The following NLRC4 variants were observed in gnomAD, a reference collection of about 807,000 sequenced individuals.
NLRC4 encodes the protein NLR family CARD domain containing 4, also known as NLR family CARD domain-containing protein 4.
Under a neutral mutation model 79.9 loss-of-function variants are expected in NLRC4, and 63 were observed. The ratio of observed to expected loss-of-function variants is 0.79; its 90% CI spans 0.64 to 0.97. The LOEUF is 0.97. Among genes scored for constraint, NLRC4 ranks in the 50% least tolerant of loss-of-function variants. NLRC4 has a pLI of 0.00. For missense variants in NLRC4, 1,074 were observed against 1,215.2 expected (o/e 0.88, Z 1.73); for synonymous variants, 461 against 456.5 (o/e 1.01, Z -0.12).
intron 8 of NLRC4, among the ~76,000 whole-genome samples, chr2:32,229,123 G>A (rs533309856): frequency 6.6e-6 from 1 of 152,156 alleles, no homozygotes; most frequent in East Asian, 1.9e-4. Context: ...ATTTAACAAA[G>A]GGTTTTGTTA....
intron 4 of NLRC4, among the ~76,000 whole-genome samples, chr2:32,247,262 GAGA>G (rs1341170055): frequency 1.3e-5 from 2 of 152,068 alleles, no homozygotes; most frequent in African/African-American, 2.4e-5. Flanking sequence ...GTGCTCGCAG[GAGA>G]AGGATTTGCT....
Position 32,235,418 on chromosome 2 carries a change from G to A in NLRC4, c.2765C>T (p.Thr922Ile), listed in dbSNP as rs755498806. The A allele has an allele frequency of 6.2e-7, 1 of 1,613,832 alleles. No individual in the cohort carries two copies. The highest frequency in any genetic ancestry group is 1.1e-5 in the South Asian group (1 of 91,072). Residue 922 changes from threonine (T) to isoleucine (I), a missense_variant, in exon 8 of 9, where the codon ACA becomes ATA. Coordinates refer to ENST00000402280, the MANE Select transcript of NLRC4 (RefSeq NM_001199138.2). ...LGLKNWRLTD[T>I]EIRILGAFFG... Reference sequence around the variant, plus strand: ...GTACCTACCTAAAATTCTAATCTCTGTATCTGTGAGTCTCCAGTTTTTCAA... The same window carrying A: ...GTACCTACCTAAAATTCTAATCTCTATATCTGTGAGTCTCCAGTTTTTCAA...
chr2:32,238,866 T>C (rs1558450108), intron 5 of NLRC4, among the ~76,000 whole-genome samples: 1 of 152,220 alleles, frequency 6.6e-6, no homozygotes. Context: ...GGAAACATTC[T>C]AAAATATCCC....
At chr2:32,237,799 A>G (rs1302643244) in intron 6 of NLRC4, among the ~76,000 whole-genome samples, 1 of 152,170 alleles carries the variant, frequency 6.6e-6, no homozygotes, top group Non-Finnish European at 1.5e-5. Context: ...TCAATCATTT[A>G]TCCATTCATT....
chr2:32,248,097 T>G (rs2148940665), intron 4 of NLRC4, among the ~76,000 whole-genome samples: 1 of 152,202 alleles, frequency 6.6e-6, no homozygotes, highest in South Asian at 2.1e-4. Context: ...CACCACGAAA[T>G]ATATCGATAT....
At position 32,224,521 on chromosome 2, in the gene NLRC4, A is replaced by G; in HGVS notation, c.3027T>C (p.Asp1009=). The G allele has an allele frequency of 6.2e-7, 1 of 1,613,512 alleles. No homozygotes were observed. The highest frequency in any genetic ancestry group is 1.1e-5 in the South Asian group (1 of 90,990). ...EARLVGWQFD[D]DDLSVITGAF... ...CACCTGTAATAACACTGAGATCATC[A>G]TCATCAAATTGCCACCCAACAAGCC... Residue 1009 remains aspartate (D), a synonymous_variant, in exon 9 of 9, where the codon GAT becomes GAC. Coordinates refer to ENST00000402280, the MANE Select transcript of NLRC4 (RefSeq NM_001199138.2).
At chr2:32,255,791 G>T (rs1262724267) in intron 2 of NLRC4, among the ~76,000 whole-genome samples, 2 of 152,098 alleles carry the variant, frequency 1.3e-5, no homozygotes, top group African/African-American at 4.8e-5. Context: ...GAGGCGGGTG[G>T]ATCACGAGGT....
Position 32,251,083 on chromosome 2 carries a change from T to C in NLRC4, c.781A>G (p.Ile261Val). ...NEFKPQNCPE[I>V]EALIKENHRF... is the part of the protein sequence containing the mutation. ...TGGTTTTCCTTTATCAGGGCTTCGA[T>C]TTCTGGGCAGTTCTGGGGCTTGAAT... Residue 261 changes from isoleucine to valine, a missense_variant, in exon 4 of 9, where the codon ATC (isoleucine) becomes GTC (valine). By Grantham distance (29) the Ile-to-Val change is conservative. Transcript: ENST00000402280. The C allele has an allele frequency of 3.7e-6, 6 of 1,614,154 alleles. No individual in the cohort carries two copies. Among genetic ancestry groups the C allele is most frequent in the Non-Finnish European group, 5.1e-6 (6 of 1,180,020 alleles).
At chr2:32,233,928 T>C (rs1438672511) in intron 8 of NLRC4, among the ~76,000 whole-genome samples, 1 of 152,198 alleles carries the variant, frequency 6.6e-6, no homozygotes, top group African/African-American at 2.4e-5. Context: ...TCTCTTTAGC[T>C]CTAACAATAT....
At chr2:32,255,931 T>C (rs1350008570) in intron 2 of NLRC4, among the ~76,000 whole-genome samples, 2 of 151,900 alleles carry the variant, frequency 1.3e-5, no homozygotes, top group Non-Finnish European at 2.9e-5. Flanking sequence ...GAAGCATCGC[T>C]TGAACCCAGG....
chr2:32,261,727 C>G (rs954370787), intron 1 of NLRC4, among the ~76,000 whole-genome samples: 3 of 152,026 alleles, frequency 2.0e-5, no homozygotes, highest in Admixed American at 6.6e-5. Flanking sequence ...TATCTATTTT[C>G]AGAAAATAAA....
chr2:32,257,036 G>T (rs867276236), intron 1 of NLRC4, 143 bp from the exon 2 acceptor site: 2 of 459,600 alleles, frequency 4.4e-6, no homozygotes. Context: ...GCTATTCATG[G>T]CCAGGCCCTA....
intron 5 of NLRC4, among the ~76,000 whole-genome samples, chr2:32,239,305 A>G (rs1414912623): frequency 6.6e-6 from 1 of 152,180 alleles, no homozygotes; most frequent in Non-Finnish European, 1.5e-5. Flanking sequence ...GAAAAGAAAT[A>G]AAATATATGA....
At chr2:32,251,639 C>T in intron 3 of NLRC4, 38 bp from the exon 4 acceptor site, 1 of 1,390,256 alleles carries the variant, frequency 7.2e-7, no homozygotes, top group Non-Finnish European at 9.9e-7. Flanking sequence ...AGACCCAATT[C>T]TGTGTCTCCT....
At chr2:32,233,635 A>T (rs1215168125) in intron 8 of NLRC4, among the ~76,000 whole-genome samples, 1 of 151,992 alleles carries the variant, frequency 6.6e-6, no homozygotes, top group African/African-American at 2.4e-5. Context: ...CTATTCTATT[A>T]TGGTCAGAGA....
intron 4 of NLRC4, among the ~76,000 whole-genome samples, chr2:32,245,443 C>T (rs776992499): frequency 3.3e-5 from 5 of 150,828 alleles, no homozygotes; most frequent in South Asian, 4.2e-4. Context: ...ATTGAACTCA[C>T]GGAGAGTAGA....
At chr2:32,245,821 G>T (rs947754821) in intron 4 of NLRC4, among the ~76,000 whole-genome samples, 1 of 152,140 alleles carries the variant, frequency 6.6e-6, no homozygotes, top group Non-Finnish European at 1.5e-5. Context: ...GTTGATACAC[G>T]AAATTTGCTT....
chr2:32,261,316 C>CTTTT lies in NLRC4; in HGVS notation c.-119+3418_-119+3421dup, dbSNP rs751434892. Among the ~76,000 whole-genome samples, 73 of 96,854 alleles carry CTTTT rather than the reference C, an allele frequency of 7.5e-4. 3 individuals carry two copies. Among genetic ancestry groups the CTTTT allele is most frequent in the South Asian group, 2.2e-3 (7 of 3,192 alleles). The allele number at this position is 96,854 out of a possible 152,430, so 63.5% of individuals were successfully genotyped here. ...TTCTTTCGCCTATTAAGCCTCCCCCCTTTTGTTTTTTTTTGAGATGGAGCC... is the reference window on the plus strand; with the variant it reads ...TTCTTTCGCCTATTAAGCCTCCCCCCTTTTTTTTGTTTTTTTTTGAGATGGAGCC... On this transcript the variant is annotated intron_variant, in intron 1 of 8. Coordinates refer to ENST00000402280, the MANE Select transcript of NLRC4 (RefSeq NM_001199138.2).
chr2:32,232,842 A>T (rs1012543683), intron 8 of NLRC4, among the ~76,000 whole-genome samples: 1 of 152,136 alleles, frequency 6.6e-6, no homozygotes, highest in East Asian at 1.9e-4. Context: ...TGAGAATGGG[A>T]TATCTGCATT....
Sources: gnomAD v4.1 joint callset for allele counts (sites outside exome capture counted in the v4.1 genomes callset) on GRCh38, gnomAD v4.1.1 for gene constraint, MANE v1.5 for transcripts, NCBI Gene and HGNC (gene_info 2026-07-23, HGNC 2026-07-21) for gene names.